The following NT5C2 variants were observed in gnomAD, a reference collection of about 807,000 sequenced individuals.
The protein encoded by NT5C2 is cytosolic purine 5'-nucleotidase.
A neutral mutation model predicts 76.1 loss-of-function variants in NT5C2; 58 were observed. That is an observed-to-expected ratio of 0.76 (90% CI 0.62 to 0.95). The LOEUF (loss-of-function observed/expected upper bound fraction) is 0.95. Ranked by LOEUF, NT5C2 falls within the 40% of genes least tolerant of loss-of-function variation. The pLI is 0.00. For synonymous variants in NT5C2, 229 were observed against 237.4 expected (o/e 0.96, Z 0.32); for missense variants, 478 against 690.3 (o/e 0.69, Z 3.45).
chr10:103,180,739 T>C (rs2090906075), intron 2 of NT5C2, among the ~76,000 whole-genome samples: 1 of 151,878 alleles, frequency 6.6e-6, no homozygotes, highest in Non-Finnish European at 1.5e-5. Flanking sequence ...AAAAAACTTA[T>C]ACACAAATGT....
At chr10:103,091,725 G>A (rs970430509) in intron 15 of NT5C2, 110 bp from the exon 16 acceptor site, 2 of 833,972 alleles carry the variant, frequency 2.4e-6, no homozygotes, top group Non-Finnish European at 4.1e-6. Context: ...TAGAACCTGG[G>A]ACTAACATGC....
chr10:103,162,691 C>G (rs2085236427), intron 3 of NT5C2, among the ~76,000 whole-genome samples: 1 of 152,068 alleles, frequency 6.6e-6, no homozygotes. Flanking sequence ...CAATTCCATT[C>G]CTGGGTAGAA....
At chr10:103,191,397 A>AG (rs1431471826) in intron 1 of NT5C2, among the ~76,000 whole-genome samples, 33 of 138,778 alleles carry the variant, frequency 2.4e-4, no homozygotes, top group Non-Finnish European at 2.9e-4. Context: ...AAAAAAAAAA[A>AG]AGAGAGAGAG....
intron 1 of NT5C2, among the ~76,000 whole-genome samples, chr10:103,184,373 G>C (rs371365204): frequency 2.6e-5 from 4 of 152,266 alleles, no homozygotes; most frequent in African/African-American, 9.6e-5. Flanking sequence ...ACACCAAAGT[G>C]ATGCCAACAG....
intron 4 of NT5C2, among the ~76,000 whole-genome samples, chr10:103,118,313 A>G (rs1357539133): frequency 1.3e-5 from 2 of 151,864 alleles, no homozygotes; most frequent in Non-Finnish European, 2.9e-5. Context: ...TAATCAGAAC[A>G]TTGATACAAT....
intron 4 of NT5C2, among the ~76,000 whole-genome samples, chr10:103,132,471 G>T (rs569243307): frequency 1.3e-5 from 2 of 152,126 alleles, no homozygotes; most frequent in Non-Finnish European, 2.9e-5. Context: ...CTATGGTCAA[G>T]CAAGATGTTA....
chr10:103,151,058 G>A (rs2082308892), intron 3 of NT5C2, among the ~76,000 whole-genome samples: 1 of 152,024 alleles, frequency 6.6e-6, no homozygotes, highest in South Asian at 2.1e-4. Flanking sequence ...TTATATTCAG[G>A]TCTATGATCC....
chr10:103,159,430 A>C (rs891677269), intron 3 of NT5C2, among the ~76,000 whole-genome samples: 2 of 152,180 alleles, frequency 1.3e-5, no homozygotes, highest in Admixed American at 1.3e-4. Context: ...CTATAGCATC[A>C]GAAATAATGA....
chr10:103,141,410 A>C (rs920799820), intron 3 of NT5C2, among the ~76,000 whole-genome samples: 2 of 152,166 alleles, frequency 1.3e-5, no homozygotes, highest in African/African-American at 4.8e-5. Context: ...GTGAGCCAAG[A>C]TCACACCACT....
In NT5C2 at chr10:103,089,687, C is replaced by T. The variant is rs553419003; in HGVS notation, c.1671G>A (p.Glu557=). The T allele has an allele frequency of 4.7e-5, 75 of 1,606,668 alleles. 2 individuals are homozygous for T. In the Middle Eastern group the frequency reaches 1.0e-3, roughly 22 times the overall value. The change falls in exon 19 of 19, where the codon GAG becomes GAA. Residue 557 remains glutamate, a synonymous_variant. Transcript: ENST00000404739. ...GTTTTCCTCCTTATTCTTCCTCCTC[C>T]TCCTCCTCTTCATCATCATCTTCGT... ...CHDEDDDEEE[E]EEEE is the part of the protein sequence containing the mutation.
intron 3 of NT5C2, among the ~76,000 whole-genome samples, chr10:103,149,466 C>T (rs11191581): frequency 0.011 from 1,667 of 152,188 alleles, 29 homozygotes; most frequent in African/African-American, 0.035. Context: ...GGCTGACTAC[C>T]AAATTAGAAA....
At chr10:103,104,706 T>G (rs2135214981) in intron 6 of NT5C2, among the ~76,000 whole-genome samples, 1 of 152,290 alleles carries the variant, frequency 6.6e-6, no homozygotes. Flanking sequence ...CTAAAGAGTC[T>G]TAGATGCTTC....
intron 4 of NT5C2, among the ~76,000 whole-genome samples, chr10:103,107,781 G>T (rs1490899627): frequency 6.6e-6 from 1 of 152,032 alleles, no homozygotes; most frequent in Non-Finnish European, 1.5e-5. Context: ...GCAATGAGGG[G>T]TTCTCTCTCT....
At chr10:103,183,287 A>C (rs1383180964) in intron 1 of NT5C2, among the ~76,000 whole-genome samples, 2 of 123,000 alleles carry the variant, frequency 1.6e-5, no homozygotes, top group Non-Finnish European at 1.7e-5. Flanking sequence ...ATATATATAT[A>C]TATATATCAC....
intron 3 of NT5C2, among the ~76,000 whole-genome samples, chr10:103,154,176 A>G (rs568489151): frequency 6.6e-6 from 1 of 152,362 alleles, no homozygotes; most frequent in South Asian, 2.1e-4. Flanking sequence ...GCTAAAGTCT[A>G]AGAACATTGA....
Position 103,093,838 on chromosome 10 carries a change from C to T in NT5C2, c.988+134G>A, listed in dbSNP as rs894101654. 3.8e-5 allele frequency: 25 copies of T among 656,916 alleles called. No homozygotes were observed. In the Middle Eastern group the frequency reaches 8.2e-4, roughly 21 times the overall value. 40.7% of individuals were successfully genotyped at this position (656,916 alleles called of 1,614,324 possible). On this transcript the variant is annotated intron_variant, in intron 14 of 18. Coordinates refer to ENST00000404739, the MANE Select transcript of NT5C2 (RefSeq NM_001351169.2). ...AGACTCCTATTGCATTAAGAGGTGACTAAACTATTTACCTTCAGTAGATGA... is the reference window on the plus strand; with the variant it reads ...AGACTCCTATTGCATTAAGAGGTGATTAAACTATTTACCTTCAGTAGATGA...
At chr10:103,135,143 C>T (rs994531731) in intron 4 of NT5C2, among the ~76,000 whole-genome samples, 4 of 152,152 alleles carry the variant, frequency 2.6e-5, no homozygotes, top group Non-Finnish European at 5.9e-5. Flanking sequence ...CTTTGGGGGA[C>T]TGTTGGGAAG....
In NT5C2 at chr10:103,181,232, C is replaced by A. The variant is rs1394153184; in HGVS notation, c.-72G>T. ...TTTCAGCCAGTGGCAGTGGCTCACA[C>A]TTGTAATCCCAGAACTTTGGGAGGC... On this transcript the variant is annotated 5_prime_UTR_variant, in exon 2 of 19. Transcript: ENST00000404739. 2 of 151,882 alleles carry A rather than the reference C, an allele frequency of 1.3e-5. No homozygotes were observed. Among genetic ancestry groups the A allele is most frequent in the Non-Finnish European group, 2.9e-5 (2 of 68,038 alleles). The allele number at this position is 151,882 out of a possible 1,614,324, so 9.4% of individuals were successfully genotyped here.
chr10:103,171,071 C>G (rs1241882869), intron 3 of NT5C2, among the ~76,000 whole-genome samples: 1 of 152,066 alleles, frequency 6.6e-6, no homozygotes, highest in Non-Finnish European at 1.5e-5. Context: ...AGCAACATAT[C>G]TCACACACAG....
Sources: allele counts gnomAD v4.1 joint callset (sites outside exome capture counted in the v4.1 genomes callset), GRCh38; gene constraint gnomAD v4.1.1; transcripts MANE v1.5; gene names NCBI Gene and HGNC (gene_info 2026-07-23, HGNC 2026-07-21).